The following XXYLT1 variants were observed in gnomAD, a reference collection of about 807,000 sequenced individuals.
The protein encoded by XXYLT1 is UDP-xylose:alpha-xyloside alpha-1,3-xylosyltransferase.
XXYLT1 carries 20 observed loss-of-function variants against 28.9 expected under a neutral mutation model. The ratio of observed to expected loss-of-function variants is 0.69; its 90% CI spans 0.49 to 1.00. The LOEUF (loss-of-function observed/expected upper bound fraction) is 1.00. Among genes scored for constraint, XXYLT1 ranks in the 50% least tolerant of loss-of-function variants. The pLI, the probability that XXYLT1 is intolerant of heterozygous loss-of-function variation, is 0.00. For missense variants in XXYLT1, 542 were observed against 560.1 expected (o/e 0.97, Z 0.33); for synonymous variants, 257 against 253.8 (o/e 1.01, Z -0.12).
At chr3:195,072,151 T>C (rs976290041) in intron 3 of XXYLT1, among the ~76,000 whole-genome samples, 2 of 151,722 alleles carry the variant, frequency 1.3e-5, no homozygotes, top group African/African-American at 2.4e-5. Context: ...TGAGGAACGA[T>C]GGAAAGGCAG....
At position 195,069,958 on chromosome 3, in the gene XXYLT1, C is replaced by G. The variant is rs765187953; in HGVS notation, c.939G>C (p.Ala313=). 6.2e-6 allele frequency: 10 copies of G among 1,612,000 alleles called. No homozygotes were observed. In the Admixed American group the frequency reaches 1.5e-4, roughly 24 times the overall value. The part of the protein sequence containing the change: ...SPLYSRLLEP[A]QVQQLADKYH... ...ACTTGTCGGCCAGCTGCTGCACCTG[C>G]GCCGGCTCCAGCAGGCGGCTGTAGA... The change falls in exon 4 of 4, where the codon GCG becomes GCC. Residue 313 remains alanine, a synonymous_variant. Coordinates refer to ENST00000310380, the MANE Select transcript of XXYLT1 (RefSeq NM_152531.5).
intron 2 of XXYLT1, among the ~76,000 whole-genome samples, chr3:195,194,657 C>T (rs1247656896): frequency 6.6e-6 from 1 of 152,132 alleles, no homozygotes; most frequent in East Asian, 1.9e-4. Context: ...CCGGTCCAAA[C>T]GTCCATCAAC....
At chr3:195,094,024 GCTCCTC>G (rs930238013) in intron 3 of XXYLT1, 3 of 155,342 alleles carry the variant, frequency 1.9e-5, no homozygotes, top group African/African-American at 4.8e-5. Flanking sequence ...GACAGTGGCA[GCTCCTC>G]CTCCTCCTCC....
At chr3:195,100,664 G>A (rs1049185812) in intron 3 of XXYLT1, among the ~76,000 whole-genome samples, 3 of 152,026 alleles carry the variant, frequency 2.0e-5, no homozygotes, top group African/African-American at 4.8e-5. Context: ...CCTCACTGAG[G>A]CTGTGGTGCC....
intron 1 of XXYLT1, among the ~76,000 whole-genome samples, chr3:195,238,062 C>T (rs769432079): frequency 1.3e-5 from 2 of 152,132 alleles, no homozygotes; most frequent in Non-Finnish European, 2.9e-5. Context: ...TCAAGACCTC[C>T]GACGACTCGT....
Position 195,115,377 on chromosome 3 carries a change from T to C in XXYLT1, c.785+41072A>G, listed in dbSNP as rs1032110630. 1.3e-5 allele frequency among the ~76,000 whole-genome samples: 2 copies of C among 152,198 alleles called. No homozygotes were observed. The highest frequency in any genetic ancestry group is 4.8e-5 in the African/African-American group (2 of 41,462). On this transcript the variant is annotated intron_variant, in intron 3 of 3. Transcript: ENST00000310380. This position sits in a 1 kb window ranked among gnomAD's most constrained non-coding sequence, Gnocchi z 4.2. ...TTCAGCCTCCTAGAGAGTCCAGGAA[T>C]GGCTGTGGGCTGGCAACAGCTGCTT...
chr3:195,191,110 G>T (rs76911751), intron 2 of XXYLT1, among the ~76,000 whole-genome samples: 5,199 of 152,228 alleles, frequency 0.034, 154 homozygotes, highest in East Asian at 0.1. Flanking sequence ...TATCAGATTG[G>T]ATTTTTAAAA....
chr3:195,252,692 CCA>C (rs774827660), intron 1 of XXYLT1, among the ~76,000 whole-genome samples: 1,003 of 84,172 alleles, frequency 0.012, 12 homozygotes, highest in Middle Eastern at 0.016. Flanking sequence ...AGAAAAAAAA[CCA>C]CACACACACA....
chr3:195,104,847 A>G (rs1180866567), intron 3 of XXYLT1, among the ~76,000 whole-genome samples: 1 of 152,240 alleles, frequency 6.6e-6, no homozygotes, highest in East Asian at 1.9e-4. Flanking sequence ...GGTCTGTGGA[A>G]TATCAGTTTG....
intron 3 of XXYLT1, among the ~76,000 whole-genome samples, chr3:195,113,659 C>A (rs181700345): frequency 6.6e-6 from 1 of 152,248 alleles, no homozygotes; most frequent in Admixed American, 6.5e-5. Flanking sequence ...TACTTTTTAG[C>A]CATTCATTCC....
intron 3 of XXYLT1, among the ~76,000 whole-genome samples, chr3:195,149,596 C>A (rs951259269): frequency 6.6e-6 from 1 of 152,208 alleles, no homozygotes; most frequent in Non-Finnish European, 1.5e-5. Context: ...CGGTCTCTCC[C>A]CCTGTCCTCG....
At chr3:195,084,464 G>A (rs1186559615) in intron 3 of XXYLT1, among the ~76,000 whole-genome samples, 1 of 152,170 alleles carries the variant, frequency 6.6e-6, no homozygotes, top group Non-Finnish European at 1.5e-5. Context: ...GCCCAGCTAG[G>A]ACATAAAGTC....
chr3:195,116,201 C>T (rs1718035439), intron 3 of XXYLT1, among the ~76,000 whole-genome samples: 1 of 152,186 alleles, frequency 6.6e-6, no homozygotes, highest in African/African-American at 2.4e-5. Context: ...GTGGAATCTG[C>T]ACCATGCTGG....
chr3:195,240,684 G>A lies in XXYLT1; in HGVS notation c.505-13828C>T, dbSNP rs760384628. The stretch of plus-strand genomic sequence containing the variant: ...GGGTTCACCCATCTCCTCCCCATGC[G>A]CCGCCAGAGACCATCCCCCAGCACA... On this transcript the variant is annotated intron_variant, in intron 1 of 3. Coordinates refer to ENST00000310380, the MANE Select transcript of XXYLT1 (RefSeq NM_152531.5). This position sits in a 1 kb window ranked among gnomAD's most constrained non-coding sequence, Gnocchi z 4.7. Among the ~76,000 whole-genome samples, 13 of 152,332 alleles carry A rather than the reference G, an allele frequency of 8.5e-5. 1 individual carries two copies. The highest frequency in any genetic ancestry group is 8.3e-4 in the South Asian group (4 of 4,830).
In XXYLT1 at chr3:195,076,325, C is replaced by G. The variant is rs560977222; in HGVS notation, c.786-6214G>C. Among the ~76,000 whole-genome samples the G allele has an allele frequency of 6.6e-6, 1 of 151,576 alleles. No homozygotes were observed. The highest frequency in any genetic ancestry group is 1.5e-5 in the Non-Finnish European group (1 of 67,914). ...CGTTCCAGAGAGGAAGAAGCCCGCACGGGGTCACGGGGCCGACTGCGGCAC... is the reference window on the plus strand; with the variant it reads ...CGTTCCAGAGAGGAAGAAGCCCGCAGGGGGTCACGGGGCCGACTGCGGCAC... On this transcript the variant is annotated intron_variant, in intron 3 of 3. Coordinates refer to ENST00000310380, the MANE Select transcript of XXYLT1 (RefSeq NM_152531.5). This position sits in a 1 kb window ranked among gnomAD's most constrained non-coding sequence, Gnocchi z 5.3.
intron 2 of XXYLT1, among the ~76,000 whole-genome samples, chr3:195,207,088 A>G (rs1316482240): frequency 2.6e-5 from 4 of 152,176 alleles, no homozygotes; most frequent in African/African-American, 9.6e-5. Context: ...CCCTTCTACC[A>G]CAGGCTGAGC....
At position 195,078,810 on chromosome 3, in the gene XXYLT1, G is replaced by A. The variant is rs751246461; in HGVS notation, c.786-8699C>T. On this transcript the variant is annotated intron_variant, in intron 3 of 3. Coordinates refer to ENST00000310380, the MANE Select transcript of XXYLT1 (RefSeq NM_152531.5). The surrounding 1 kb of genome is among the most constrained non-coding windows in gnomAD (Gnocchi z 5.0). ...TCCGGCTGGCAGCTCCTTGCTCGCC[G>A]CCTGGGATCCCCTTCCTCTCTGCTC... is the stretch of plus-strand genomic sequence containing the variant. Among the ~76,000 whole-genome samples, 9 of 150,118 alleles carry A rather than the reference G, an allele frequency of 6.0e-5. No individual in the cohort carries two copies. Among genetic ancestry groups the A allele is most frequent in the Non-Finnish European group, 8.9e-5 (6 of 67,468 alleles).
chr3:195,125,708 C>A (rs568576007), intron 3 of XXYLT1, among the ~76,000 whole-genome samples: 2 of 152,376 alleles, frequency 1.3e-5, no homozygotes, highest in Non-Finnish European at 2.9e-5. Flanking sequence ...CAACTGAAAT[C>A]TTGCCTGGAA....
chr3:195,161,778 C>A (rs981046394), intron 2 of XXYLT1, among the ~76,000 whole-genome samples: 1 of 151,796 alleles, frequency 6.6e-6, no homozygotes, highest in Admixed American at 6.6e-5. Context: ...CCACCATACC[C>A]GGCTAATTTT....
Sources: allele counts gnomAD v4.1 joint callset (sites outside exome capture counted in the v4.1 genomes callset), GRCh38; gene constraint gnomAD v4.1.1; non-coding constraint Gnocchi (gnomAD v3.1); transcripts MANE v1.5; gene names NCBI Gene and HGNC (gene_info 2026-07-23, HGNC 2026-07-21).